The following SYCE1 variants were observed in gnomAD, a reference collection of about 807,000 sequenced individuals.
SYCE1 encodes the protein cancer/testis antigen 76.
In SYCE1, 37 loss-of-function variants were observed where a neutral mutation model predicts 55.1. That is an observed-to-expected ratio of 0.67 (90% CI 0.52 to 0.88). SYCE1 has a LOEUF of 0.88. Ranked by LOEUF, SYCE1 falls within the 40% of genes least tolerant of loss-of-function variation. The pLI, the probability that SYCE1 is intolerant of heterozygous loss-of-function variation, is 0.00. For synonymous variants in SYCE1, 163 were observed against 159.4 expected (o/e 1.02, Z -0.17); for missense variants, 399 against 416.4 (o/e 0.96, Z 0.36).
intron 4 of SYCE1, chr10:133,558,498 TAAAG>T (rs2133620214): frequency 3.6e-6 from 2 of 553,766 alleles, no homozygotes; most frequent in East Asian, 3.0e-5. Context: ...ATAAGGGCTA[TAAAG>T]AAACACATCA....
intron 1 of SYCE1, among the ~76,000 whole-genome samples, chr10:133,562,291 G>GTA (rs1400615317): frequency 7.4e-5 from 11 of 149,420 alleles, no homozygotes; most frequent in African/African-American, 2.5e-4. Flanking sequence ...GTGTGTGTGT[G>GTA]TGTGTGTGTG....
chr10:133,559,020 C>A, intron 3 of SYCE1, 69 bp from the exon 4 acceptor site: 1 of 1,485,132 alleles, frequency 6.7e-7, no homozygotes. Context: ...TGACATTTCT[C>A]ATTTGCCTTC....
chr10:133,555,140 T>C lies in SYCE1; in HGVS notation c.919-11A>G. 1 of 1,544,212 alleles carries C rather than the reference T, an allele frequency of 6.5e-7. No homozygotes were observed. Among genetic ancestry groups the C allele is most frequent in the East Asian group, 2.4e-5 (1 of 40,892 alleles). On this transcript the variant is annotated splice_polypyrimidine_tract_variant and intron_variant, in intron 12 of 12. Coordinates refer to ENST00000343131, the MANE Select transcript of SYCE1 (RefSeq NM_001143764.3). ...GGGCTTGGGACTGGCCTGCAGGAGG[T>C]TAGTGTCCAGGGTGGGAATTTACAC...
intron 3 of SYCE1, 119 bp downstream of exon 3, chr10:133,559,182 C>A: frequency 8.8e-7 from 1 of 1,132,382 alleles, no homozygotes; most frequent in Admixed American, 1.8e-5. Flanking sequence ...TAAGGCTCTG[C>A]TGTTGCTGTT....
upstream of SYCE1, chr10:133,567,869 C>T: frequency 2.1e-6 from 1 of 471,712 alleles, no homozygotes; most frequent in Non-Finnish European, 4.1e-6. Context: ...CCATGGTCTC[C>T]TCTAGGTGGG....
intron 4 of SYCE1, 43 bp from the exon 5 acceptor site, chr10:133,558,257 G>A (rs1317401686): frequency 6.2e-7 from 1 of 1,602,454 alleles, no homozygotes; most frequent in Admixed American, 1.7e-5. Context: ...ACTATGCACT[G>A]CACCCTCAGG....
chr10:133,565,941 C>A (rs1417467009), upstream of SYCE1, among the ~76,000 whole-genome samples: 4 of 152,240 alleles, frequency 2.6e-5, no homozygotes, highest in African/African-American at 9.6e-5. Flanking sequence ...GTGGCCCTGG[C>A]AGCCTCATGA....
chr10:133,554,377 C>T (rs1015281162), downstream of SYCE1: 1 of 1,560,342 alleles, frequency 6.4e-7, no homozygotes, highest in African/African-American at 1.4e-5. Flanking sequence ...CATTCTGACT[C>T]AGGAGATGCA....
chr10:133,555,455 A>G lies in SYCE1; in HGVS notation c.831-17T>C. 1.2e-6 allele frequency: 2 copies of G among 1,613,780 alleles called. No individual in the cohort carries two copies. ...TCCTTCAGCCTGGACAGGAAGAGGTAGGATGGGGGAAGGAAGAGGAGGAAA... is the reference window on the plus strand; with the variant it reads ...TCCTTCAGCCTGGACAGGAAGAGGTGGGATGGGGGAAGGAAGAGGAGGAAA... On this transcript the variant is annotated splice_polypyrimidine_tract_variant and intron_variant, in intron 11 of 12. Coordinates refer to ENST00000343131, the MANE Select transcript of SYCE1 (RefSeq NM_001143764.3).
chr10:133,556,674 G>T (rs1352827897), intron 8 of SYCE1, 85 bp downstream of exon 8: 25 of 1,398,104 alleles, frequency 1.8e-5, no homozygotes, highest in Non-Finnish European at 2.4e-5. Flanking sequence ...ACTGGTTGTG[G>T]CAGGTGAGAG....
chr10:133,557,388 TAG>T (rs1851711645), intron 6 of SYCE1: 2 of 555,028 alleles, frequency 3.6e-6, no homozygotes, highest in African/African-American at 3.8e-5. Flanking sequence ...ACACACATCT[TAG>T]TATCATCTCG....
At chr10:133,560,049 C>T in intron 2 of SYCE1, 42 bp downstream of exon 2, 1 of 1,590,298 alleles carries the variant, frequency 6.3e-7, no homozygotes, top group Non-Finnish European at 8.6e-7. Context: ...TCTGCCTGGC[C>T]CCAAACCTCA....
intron 2 of SYCE1, 168 bp downstream of exon 2, chr10:133,559,923 A>G: frequency 1.5e-6 from 1 of 656,066 alleles, no homozygotes; most frequent in Non-Finnish European, 2.6e-6. Context: ...TGCTTCTTTA[A>G]TTTTGAAACA....
chr10:133,565,501 G>C lies in SYCE1; in HGVS notation c.29C>G (p.Ala10Gly). The C allele has an allele frequency of 6.5e-7, 1 of 1,550,048 alleles. No individual in the cohort carries two copies. Among genetic ancestry groups the C allele is most frequent in the Non-Finnish European group, 8.7e-7 (1 of 1,146,784 alleles). ...GTCCACGGCTCCTGCGGTGGGCTCG[G>C]CCTTCGATGTCAGGGACCTCCCCGC... Reference protein sequence around the residue: MAGRSLTSKAEPTAGAVDRA... With the variant: MAGRSLTSKGEPTAGAVDRA... The change falls in exon 1 of 13, where the codon GCC (alanine) becomes GGC (glycine). Residue 10 changes from alanine (A) to glycine (G), a missense_variant. Ala to Gly is a moderately conservative substitution (Grantham distance 60). Coordinates refer to ENST00000343131, the MANE Select transcript of SYCE1 (RefSeq NM_001143764.3).
chr10:133,555,462 GGGAA>G lies in SYCE1; in HGVS notation c.831-28_831-25del, dbSNP rs760781413. The stretch of plus-strand genomic sequence containing the variant: ...GCCTGGACAGGAAGAGGTAGGATGG[GGGAA>G]GGAAGAGGAGGAAAGGGTGGAGGAG... On this transcript the variant is annotated intron_variant, in intron 11 of 12. Coordinates refer to ENST00000343131, the MANE Select transcript of SYCE1 (RefSeq NM_001143764.3). The G allele has an allele frequency of 3.1e-6, 5 of 1,613,526 alleles. No individual in the cohort carries two copies. The East Asian group carries it at 1.1e-4, about 36-fold the overall frequency.
At chr10:133,554,727 T>C (rs776152294), downstream of SYCE1, 2 of 911,356 alleles carry the variant, frequency 2.2e-6, no homozygotes, top group Admixed American at 3.5e-5. Flanking sequence ...TGTGTATGTG[T>C]GTATGCAGGT....
downstream of SYCE1, chr10:133,554,833 C>T: frequency 6.9e-7 from 1 of 1,450,520 alleles, no homozygotes; most frequent in South Asian, 1.5e-5. Flanking sequence ...CAGAGATGAG[C>T]AATCCAGAGA....
At chr10:133,566,920 G>A (rs1216405686), upstream of SYCE1, among the ~76,000 whole-genome samples, 1 of 146,752 alleles carries the variant, frequency 6.8e-6, no homozygotes, top group Non-Finnish European at 1.5e-5. Flanking sequence ...TAGGCTTAGT[G>A]TTGTTAGGGT....
At position 133,557,847 on chromosome 10, in the gene SYCE1, C is replaced by A. The variant is rs753784289; in HGVS notation, c.374+17G>T. On this transcript the variant is annotated intron_variant, in intron 6 of 12. Transcript: ENST00000343131. ...TAAAGAGGTAGTGCAGAGTTAGGCT[C>A]AGCTGGAAGCTCTTACCTGTGTGCC... 1 of 1,614,028 alleles carries A rather than the reference C, an allele frequency of 6.2e-7. No homozygotes were observed. Among genetic ancestry groups the A allele is most frequent in the African/African-American group, 1.3e-5 (1 of 75,024 alleles).
Sources: gnomAD v4.1 joint callset for allele counts (sites outside exome capture counted in the v4.1 genomes callset) on GRCh38, gnomAD v4.1.1 for gene constraint, MANE v1.5 for transcripts, NCBI Gene and HGNC (gene_info 2026-07-23, HGNC 2026-07-21) for gene names.